HDLBP: variants seen among roughly 807,000 people sequenced by gnomAD.
HDLBP encodes the protein high density lipoprotein binding protein.
Under a neutral mutation model 137.3 loss-of-function variants are expected in HDLBP, and 30 were observed. The ratio of observed to expected loss-of-function variants is 0.22; its 90% CI spans 0.16 to 0.30. The LOEUF (loss-of-function observed/expected upper bound fraction) is 0.30. HDLBP is among the 10% of genes least tolerant of loss of function. HDLBP has a pLI of 1.00. For missense variants in HDLBP, 1,119 were observed against 1,667.3 expected (o/e 0.67, Z 5.73); for synonymous variants, 606 against 596.0 (o/e 1.02, Z -0.24).
intron 5 of HDLBP, among the ~76,000 whole-genome samples, chr2:241,259,767 G>A (rs773068055): frequency 9.9e-5 from 15 of 151,702 alleles, no homozygotes; most frequent in East Asian, 3.9e-4. Flanking sequence ...GAGAGTCACC[G>A]CCTGCTTTTC....
In HDLBP at chr2:241,296,377, T is replaced by C. The variant is rs539163396; in HGVS notation, c.-103+19193A>G. Among the ~76,000 whole-genome samples, 85 of 152,290 alleles carry C rather than the reference T, an allele frequency of 5.6e-4. No homozygotes were observed. The Middle Eastern group carries it at 0.01, about 18-fold the overall frequency. ...TTCAGCTGGATTGGAGATCTGGATG[T>C]AAACAATCAAACCCTGAAGCCCTGA... On this transcript the variant is annotated intron_variant, in intron 1 of 27. Transcript: ENST00000310931.
At position 241,256,419 on chromosome 2, in the gene HDLBP, C is replaced by T. The variant is rs1168090001; in HGVS notation, c.658-20G>A. The T allele has an allele frequency of 6.3e-6, 10 of 1,587,398 alleles. No homozygotes were observed. The highest frequency in any genetic ancestry group is 8.6e-6 in the Non-Finnish European group (10 of 1,164,554). On this transcript the variant is annotated intron_variant, in intron 6 of 27. Coordinates refer to ENST00000310931, the MANE Select transcript of HDLBP (RefSeq NM_005336.6). ...TTTGTCCTGGAAAGGAAGGGATGAT[C>T]TGATGAGAACAGGCCTTTGAAAACA...
At chr2:241,251,360 T>C (rs1300408367) in intron 11 of HDLBP, among the ~76,000 whole-genome samples, 1 of 152,216 alleles carries the variant, frequency 6.6e-6, no homozygotes, top group Non-Finnish European at 1.5e-5. Context: ...ACTTTGTGCC[T>C]ACAGACTCTC....
intron 1 of HDLBP, among the ~76,000 whole-genome samples, chr2:241,307,297 G>A (rs1273976871): frequency 6.6e-6 from 1 of 152,212 alleles, no homozygotes; most frequent in Admixed American, 6.5e-5. Flanking sequence ...AGAATTCATC[G>A]AGACTGCTCA....
At chr2:241,262,196 T>C (rs2073254152) in intron 5 of HDLBP, among the ~76,000 whole-genome samples, 1 of 152,232 alleles carries the variant, frequency 6.6e-6, no homozygotes, top group Non-Finnish European at 1.5e-5. Context: ...AATGTGTAGT[T>C]AGTGAACATA....
rs1361084095 is a variant in HDLBP, at chr2:241,253,403, A to C, written c.1283T>G (p.Val428Gly). ...NVAQEQIEGM[V>G]KDLINRMDYV... ...CAAGGGGTACCTTACCAAATCTTTG[A>C]CCATGCCTTCTATCTGTTCCTGGGC... Residue 428 changes from valine (V) to glycine (G), a missense_variant, in exon 10 of 28, where the codon GTC (valine) becomes GGC (glycine). Around this residue, in one of 4 missense-constraint regions of HDLBP, gnomAD observed 425 missense variants for 693.9 expected, o/e 0.61. Transcript: ENST00000310931. 1 of 1,605,792 alleles carries C rather than the reference A, an allele frequency of 6.2e-7. No individual in the cohort carries two copies. Among genetic ancestry groups the C allele is most frequent in the Non-Finnish European group, 8.5e-7 (1 of 1,172,464 alleles).
At chr2:241,246,523 A>C in intron 16 of HDLBP, 1 of 476,258 alleles carries the variant, frequency 2.1e-6, no homozygotes, top group Middle Eastern at 5.3e-4. Context: ...CTAATAAGAC[A>C]AGTGCCCACG....
chr2:241,301,908 G>C (rs1357961583), intron 1 of HDLBP, among the ~76,000 whole-genome samples: 1 of 151,974 alleles, frequency 6.6e-6, no homozygotes, highest in Non-Finnish European at 1.5e-5. Flanking sequence ...CAAGTCACTT[G>C]TTTCAAAACC....
chr2:241,255,132 G>A lies in HDLBP; in HGVS notation c.1107C>T (p.Val369=), dbSNP rs75096185. 4.7e-4 allele frequency: 757 copies of A among 1,614,118 alleles called. 3 individuals carry two copies. The African/African-American group carries it at 9.1e-3, about 19-fold the overall frequency. ...AACGGTGAAGCCAGGAAGGGGCGGC[G>A]ACAGAGGAGACGGTGAAGCTATTGG... ...AKANSFTVSS[V]AAPSWLHRFI... The change falls in exon 9 of 28, where the codon GTC becomes GTT. Residue 369 remains valine (V), a synonymous_variant. Coordinates refer to ENST00000310931, the MANE Select transcript of HDLBP (RefSeq NM_005336.6).
At chr2:241,292,958 G>A (rs533389637) in intron 1 of HDLBP, among the ~76,000 whole-genome samples, 250 of 151,398 alleles carry the variant, frequency 1.7e-3, no homozygotes, top group Non-Finnish European at 2.6e-3. Context: ...ACTTGAGTGC[G>A]GGGAGGCTGG....
chr2:241,254,968 CA>C, intron 9 of HDLBP, 82 bp downstream of exon 9: 1 of 1,097,272 alleles, frequency 9.1e-7, no homozygotes, highest in East Asian at 2.4e-5. Flanking sequence ...ATCCACAGTA[CA>C]AAGGTCAACA....
At chr2:241,297,021 C>T (rs927654901) in intron 1 of HDLBP, among the ~76,000 whole-genome samples, 2 of 152,264 alleles carry the variant, frequency 1.3e-5, no homozygotes, top group Admixed American at 6.5e-5. Flanking sequence ...AAGAATCCAA[C>T]GGCTCACGTA....
At chr2:241,290,066 A>C (rs1204036977) in intron 1 of HDLBP, among the ~76,000 whole-genome samples, 2 of 152,246 alleles carry the variant, frequency 1.3e-5, no homozygotes, top group Non-Finnish European at 2.9e-5. Context: ...GTAGAAGGAA[A>C]GCCTCCATAC....
At position 241,254,783 on chromosome 2, in the gene HDLBP, C is replaced by T. The variant is rs533573579; in HGVS notation, c.1188+268G>A. 2.2e-4 allele frequency among the ~76,000 whole-genome samples: 33 copies of T among 152,282 alleles called. No individual in the cohort carries two copies. In the South Asian group the frequency reaches 5.6e-3, roughly 26 times the overall value. ...TTATTTCACCATAATTACTAAATGA[C>T]ATGTTTCTTAAGATACTTATGAAAC... On this transcript the variant is annotated intron_variant, in intron 9 of 27. Transcript: ENST00000310931.
In HDLBP at chr2:241,233,778, C is replaced by T. The variant is rs201229744; in HGVS notation, c.3288+42G>A. The T allele has an allele frequency of 1.2e-4, 193 of 1,611,932 alleles. No homozygotes were observed. The highest frequency in any genetic ancestry group is 1.6e-4 in the Non-Finnish European group (184 of 1,179,132). On this transcript the variant is annotated intron_variant, in intron 24 of 27. Transcript: ENST00000310931. This position sits in a 1 kb window ranked among gnomAD's most constrained non-coding sequence, Gnocchi z 4.3. ...GCTCCCAAGTCACAGGAAAGGTCAA[C>T]AAGCACCTCTGCCCCCGACACGCTC... is the stretch of plus-strand genomic sequence containing the variant.
intron 1 of HDLBP, among the ~76,000 whole-genome samples, chr2:241,273,402 C>T (rs2074260974): frequency 6.6e-6 from 1 of 152,116 alleles, no homozygotes; most frequent in South Asian, 2.1e-4. Flanking sequence ...TTACTTATGG[C>T]TCCATCTCTA....
Position 241,239,588 on chromosome 2 carries a change from A to G in HDLBP, c.2610+14T>C, listed in dbSNP as rs1459829892. 2 of 1,610,816 alleles carry G rather than the reference A, an allele frequency of 1.2e-6. No homozygotes were observed. Among genetic ancestry groups the G allele is most frequent in the East Asian group, 2.2e-5 (1 of 44,828 alleles). ...GGGGGGTGAGAACCCCTCCCCGAGCACCCAAGTGCCTACCAGGTCCTCAAT... is the reference window on the plus strand; with the variant it reads ...GGGGGGTGAGAACCCCTCCCCGAGCGCCCAAGTGCCTACCAGGTCCTCAAT... On this transcript the variant is annotated intron_variant, in intron 19 of 27. Coordinates refer to ENST00000310931, the MANE Select transcript of HDLBP (RefSeq NM_005336.6). The surrounding 1 kb of genome is among the most constrained non-coding windows in gnomAD (Gnocchi z 4.6).
Position 241,240,220 on chromosome 2 carries a change from CT to C in HDLBP, c.2170-99del. 1 of 1,157,034 alleles carries C rather than the reference CT, an allele frequency of 8.6e-7. No individual in the cohort carries two copies. Among genetic ancestry groups the C allele is most frequent in the Non-Finnish European group, 1.3e-6 (1 of 767,768 alleles). 71.7% of individuals were successfully genotyped at this position (1,157,034 alleles called of 1,614,324 possible). ...TGTAGGACAGCAAGCTCGGGCTCCC[CT>C]TACATTGTCACCAGTGTCCTGATGT... On this transcript the variant is annotated intron_variant, in intron 17 of 27. Coordinates refer to ENST00000310931, the MANE Select transcript of HDLBP (RefSeq NM_005336.6). The surrounding 1 kb of genome is among the most constrained non-coding windows in gnomAD (Gnocchi z 5.5).
intron 5 of HDLBP, among the ~76,000 whole-genome samples, chr2:241,257,157 G>C (rs1255827855): frequency 6.6e-6 from 1 of 152,216 alleles, no homozygotes; most frequent in Non-Finnish European, 1.5e-5. Flanking sequence ...TTATAGCAAA[G>C]AGAAAAGACT....
Sources: allele counts gnomAD v4.1 joint callset (sites outside exome capture counted in the v4.1 genomes callset), GRCh38; gene constraint gnomAD v4.1.1; regional missense constraint gnomAD v4.1.1; non-coding constraint Gnocchi (gnomAD v3.1); transcripts MANE v1.5; gene names NCBI Gene and HGNC (gene_info 2026-07-23, HGNC 2026-07-21).